Variants in PCSK6 observed in about 807,000 individuals in gnomAD.
PCSK6 encodes the protein paired basic amino acid cleaving enzyme 4.
In PCSK6, 85 loss-of-function variants were observed where a neutral mutation model predicts 123.3. The ratio of observed to expected loss-of-function variants is 0.69; its 90% confidence interval spans 0.58 to 0.83. The LOEUF is 0.83. PCSK6 is among the 40% of genes least tolerant of loss of function. The pLI is 0.00. For missense variants in PCSK6, 1,191 were observed against 1,282.3 expected, an observed-to-expected ratio of 0.93 and a Z score of 1.09; for synonymous variants, 508 against 516.0, an observed-to-expected ratio of 0.98 and a Z score of 0.21.
chr15:101,451,366 A>G (rs1392837493), intron 1 of PCSK6, among the ~76,000 whole-genome samples: 2 of 152,040 alleles, frequency 1.3e-5, no homozygotes, highest in Non-Finnish European at 2.9e-5. Context: ...GTAGCCCTCG[A>G]GCAGGCTGCG....
intron 8 of PCSK6, among the ~76,000 whole-genome samples, chr15:101,389,998 C>G (rs1415920279): frequency 6.6e-6 from 1 of 152,228 alleles, no homozygotes; most frequent in Non-Finnish European, 1.5e-5. Flanking sequence ...CTAGCTACCC[C>G]TAAGTCACCC....
intron 6 of PCSK6, among the ~76,000 whole-genome samples, chr15:101,418,608 G>A (rs552919832): frequency 3.4e-4 from 52 of 151,596 alleles, no homozygotes; most frequent in Non-Finnish European, 1.5e-5. Flanking sequence ...TGTCTCCCAG[G>A]TTCAAGCGAT....
At chr15:101,466,672 A>C (rs1285770241) in intron 1 of PCSK6, among the ~76,000 whole-genome samples, 1 of 152,260 alleles carries the variant, frequency 6.6e-6, no homozygotes, top group Non-Finnish European at 1.5e-5. Flanking sequence ...GGTGATAAAA[A>C]TCATGACATA....
At chr15:101,463,329 C>T (rs556008598) in intron 1 of PCSK6, among the ~76,000 whole-genome samples, 2 of 152,234 alleles carry the variant, frequency 1.3e-5, no homozygotes, top group South Asian at 2.1e-4. Flanking sequence ...TGTTTCTCCC[C>T]GAATATCACT....
intron 7 of PCSK6, among the ~76,000 whole-genome samples, chr15:101,394,129 G>GTTTTTTTTTTTTTTTTTTT (rs1320294435): frequency 7.5e-6 from 1 of 132,910 alleles, no homozygotes; most frequent in Non-Finnish European, 1.6e-5. Context: ...TTTTCTTTCC[G>GTTTTTTTTTTTTTTTTTTT]TTTTTTTGTT....
In PCSK6 at chr15:101,351,088, G is replaced by A. The variant is rs546898890; in HGVS notation, c.1858+15108C>T. 7.9e-4 allele frequency among the ~76,000 whole-genome samples: 120 copies of A among 152,260 alleles called. 1 individual carries two copies. The highest frequency in any genetic ancestry group is 1.3e-3 in the Non-Finnish European group (88 of 68,030). On this transcript the variant is annotated intron_variant, in intron 13 of 21. Transcript: ENST00000611716. ...ACTCACATCTGTTCTATCTACACAG[G>A]GGAAGCACTATCTCATGGTGGCTAC...
chr15:101,429,073 T>C (rs1039506162), intron 5 of PCSK6, among the ~76,000 whole-genome samples: 13 of 152,262 alleles, frequency 8.5e-5, no homozygotes, highest in African/African-American at 2.9e-4. Context: ...CGTTTGTGAA[T>C]CTCAGAATCA....
chr15:101,429,234 G>GA (rs11445115), intron 5 of PCSK6, among the ~76,000 whole-genome samples: 11,290 of 132,854 alleles, frequency 0.085, 690 homozygotes, highest in African/African-American at 0.17. Context: ...TGCTGATGGA[G>GA]AAGGAAAGAG....
chr15:101,398,568 T>A lies in PCSK6; in HGVS notation c.832A>T (p.Met278Leu). The A allele has an allele frequency of 6.2e-7, 1 of 1,611,534 alleles. No homozygotes were observed. Among genetic ancestry groups the A allele is most frequent in the Non-Finnish European group, 8.5e-7 (1 of 1,178,654 alleles). The change falls in exon 7 of 22, where the codon ATG becomes TTG. Residue 278 changes from methionine (M) to leucine (L), a missense_variant. By Grantham distance (15) the Met-to-Leu change is conservative. Around this residue, in one of 3 missense-constraint regions of PCSK6, gnomAD observed 357 missense variants for 484.5 expected, o/e 0.74. Transcript: ENST00000611716. This position sits in a 1 kb window ranked among gnomAD's most constrained non-coding sequence, Gnocchi z 4.6. ...ACATCTGTGACATCGCCGTCCAGCA[T>A]GCGGATGCCTGAAAGCACAGAGGAG... The part of the protein sequence containing the change: ...AYNAKIGGIR[M>L]LDGDVTDVVE...
Position 101,489,701 on chromosome 15 carries a change from T to A in PCSK6, c.-31A>T. ...CGACAGGCTCGCGCGGCGCCCGAGC[T>A]GCGAGTGCGCCGGGGGGTGGAGTGC... is the stretch of plus-strand genomic sequence containing the variant. On this transcript the variant is annotated 5_prime_UTR_variant, in exon 1 of 22. Transcript: ENST00000611716. 1.1e-6 allele frequency: 1 copy of A among 937,214 alleles called. No homozygotes were observed. Among genetic ancestry groups the A allele is most frequent in the Non-Finnish European group, 1.3e-6 (1 of 790,672 alleles). 58.1% of individuals were successfully genotyped at this position (937,214 alleles called of 1,614,324 possible).
chr15:101,333,168 C>T (rs758334366), intron 13 of PCSK6, among the ~76,000 whole-genome samples: 2 of 152,132 alleles, frequency 1.3e-5, no homozygotes, highest in Non-Finnish European at 2.9e-5. Context: ...TTTTTAACCA[C>T]GGCATCCCCA....
chr15:101,380,998 C>G (rs1188717415), intron 11 of PCSK6, among the ~76,000 whole-genome samples: 1 of 152,050 alleles, frequency 6.6e-6, no homozygotes, highest in Non-Finnish European at 1.5e-5. Flanking sequence ...TTGGAATAAT[C>G]TGATTTCCTC....
intron 2 of PCSK6, among the ~76,000 whole-genome samples, chr15:101,440,028 G>A (rs1273769398): frequency 6.6e-6 from 1 of 152,236 alleles, no homozygotes; most frequent in African/African-American, 2.4e-5. Flanking sequence ...CTATAAGCCA[G>A]CTTGGAACAT....
At chr15:101,307,415 C>A in intron 20 of PCSK6, 90 bp from the exon 21 acceptor site, 1 of 848,238 alleles carries the variant, frequency 1.2e-6, no homozygotes, top group South Asian at 1.5e-5. Flanking sequence ...CCCTGCACCT[C>A]CTTCCCACCC....
chr15:101,392,177 C>T (rs59475627), intron 8 of PCSK6, among the ~76,000 whole-genome samples: 10,214 of 152,296 alleles, frequency 0.067, 450 homozygotes, highest in African/African-American at 0.13. Flanking sequence ...CTAGCAGGTC[C>T]GTGCTCAAAT....
rs1254196195 is a variant in PCSK6, at chr15:101,341,265, T to TC, written c.1859-9235dup. Among the ~76,000 whole-genome samples the TC allele has an allele frequency of 3.9e-4, 56 of 143,848 alleles. 2 individuals carry two copies. In the South Asian group the frequency reaches 9.6e-3, roughly 25 times the overall value. 94.4% of individuals were successfully genotyped at this position (143,848 alleles called of 152,430 possible). A position where few individuals can be genotyped will look rare whatever the true frequency, so the allele number is the denominator to read the frequency against. On this transcript the variant is annotated intron_variant, in intron 13 of 21. Coordinates refer to ENST00000611716, the MANE Select transcript of PCSK6 (RefSeq NM_002570.5). ...AGTGTGGGGTTTTTTTTTTTTTTTTTCTTGACAAAGTCTTGCTCTGTTATC... is the reference window on the plus strand; with the variant it reads ...AGTGTGGGGTTTTTTTTTTTTTTTTTCCTTGACAAAGTCTTGCTCTGTTATC...
At chr15:101,433,519 C>G (rs1425366399) in intron 2 of PCSK6, among the ~76,000 whole-genome samples, 1 of 152,226 alleles carries the variant, frequency 6.6e-6, no homozygotes, top group Non-Finnish European at 1.5e-5. Context: ...CTCGAGGAGT[C>G]TGCACTACAT....
intron 1 of PCSK6, among the ~76,000 whole-genome samples, chr15:101,469,554 G>T (rs899831085): frequency 6.6e-6 from 1 of 152,200 alleles, no homozygotes; most frequent in Admixed American, 6.5e-5. Context: ...AGGCAAGAGG[G>T]TCCTCTTTTG....
At chr15:101,482,551 A>G (rs6598484) in intron 1 of PCSK6, among the ~76,000 whole-genome samples, 47,080 of 152,036 alleles carry the variant, frequency 0.31, 7,833 homozygotes, top group East Asian at 0.55. Flanking sequence ...AAAAAAGCTC[A>G]GGACGTTCCC....
Sources: allele counts gnomAD v4.1 joint callset (sites outside exome capture counted in the v4.1 genomes callset), GRCh38; gene constraint gnomAD v4.1.1; regional missense constraint gnomAD v4.1.1; non-coding constraint Gnocchi (gnomAD v3.1); transcripts MANE v1.5; gene names NCBI Gene and HGNC (gene_info 2026-07-23, HGNC 2026-07-21).